The following WNK1 variants were observed in gnomAD, a reference collection of about 807,000 sequenced individuals.
WNK1 encodes the protein WNK lysine deficient protein kinase 1.
Under a neutral mutation model 222.8 loss-of-function variants are expected in WNK1, and 38 were observed. The ratio of observed to expected loss-of-function variants is 0.17; its 90% CI spans 0.13 to 0.22. The LOEUF (loss-of-function observed/expected upper bound fraction) is 0.22, where lower values mean the gene tolerates loss of function less well. Ranked by LOEUF, WNK1 falls within the 10% of genes least tolerant of loss-of-function variation. The pLI, the probability that WNK1 is intolerant of heterozygous loss-of-function variation, is 1.00. For missense variants in WNK1, 2,348 were observed against 2,918.4 expected (o/e 0.80, Z 4.50); for synonymous variants, 1,090 against 1,092.9 (o/e 1.00, Z 0.05).
At chr12:857,627 T>C (rs956695) in intron 5 of WNK1, among the ~76,000 whole-genome samples, 8,485 of 152,324 alleles carry the variant, frequency 0.056, 309 homozygotes, top group Middle Eastern at 0.1. Context: ...CTTTGGCTCT[T>C]TAAAGTCAGC....
chr12:811,035 A>C (rs1347691222), intron 1 of WNK1, among the ~76,000 whole-genome samples: 1 of 152,184 alleles, frequency 6.6e-6, no homozygotes, highest in Non-Finnish European at 1.5e-5. Flanking sequence ...TTTAGTTTAT[A>C]TTGAAGGTAA....
intron 5 of WNK1, among the ~76,000 whole-genome samples, 195 bp downstream of exon 5, chr12:857,444 T>C (rs939109778): frequency 2.2e-4 from 33 of 152,378 alleles, no homozygotes; most frequent in African/African-American, 7.5e-4. Flanking sequence ...TGTAAAAATA[T>C]GGTTTGGTAG....
At position 878,354 on chromosome 12, in the gene WNK1, G is replaced by A; in HGVS notation, c.2366G>A (p.Gly789Glu). The change falls in exon 10 of 28, where the codon GGA (glycine) becomes GAA (glutamate). Residue 789 changes from glycine to glutamate, a missense_variant. Coordinates refer to ENST00000315939, the MANE Select transcript of WNK1 (RefSeq NM_018979.4). ...APQVLPQVSA[G>E]KQLPVSQPVP... ...CAAGTCTTGCCTCAAGTATCAGCTG[G>A]AAAACAGGTAAACTTTTTTTTTTTT... The A allele has an allele frequency of 6.2e-7, 1 of 1,600,702 alleles. No homozygotes were observed. Among genetic ancestry groups the A allele is most frequent in the African/African-American group, 1.4e-5 (1 of 72,104 alleles).
intron 5 of WNK1, among the ~76,000 whole-genome samples, chr12:858,354 T>G (rs929172459): frequency 2.0e-5 from 3 of 152,166 alleles, no homozygotes; most frequent in Non-Finnish European, 4.4e-5. Flanking sequence ...CGCACCTGGC[T>G]AATTTTTGTA....
intron 21 of WNK1, among the ~76,000 whole-genome samples, chr12:890,064 T>C (rs1386641634): frequency 6.6e-6 from 1 of 151,254 alleles, no homozygotes; most frequent in Non-Finnish European, 1.5e-5. Flanking sequence ...GTGATTCTTC[T>C]ACCTCAGCCT....
At chr12:886,328 C>T (rs1377049920) in intron 19 of WNK1, among the ~76,000 whole-genome samples, 2 of 151,816 alleles carry the variant, frequency 1.3e-5, no homozygotes, top group Admixed American at 6.6e-5. Flanking sequence ...GTATAATTAT[C>T]GGGTAAAATA....
intron 4 of WNK1, among the ~76,000 whole-genome samples, chr12:850,966 AC>A: frequency 2.0e-5 from 3 of 152,320 alleles, no homozygotes; most frequent in Admixed American, 2.0e-4. Context: ...TGTTTTGGTT[AC>A]TAGCCTTGTA....
intron 14 of WNK1, 66 bp from the exon 15 acceptor site, chr12:882,877 T>C (rs1953304185): frequency 5.8e-6 from 6 of 1,036,324 alleles, no homozygotes; most frequent in South Asian, 5.1e-5. Context: ...TCTGCATTGC[T>C]TTTCTGAAAT....
intron 1 of WNK1, among the ~76,000 whole-genome samples, chr12:767,172 A>G (rs1037094784): frequency 2.1e-5 from 3 of 143,960 alleles, no homozygotes; most frequent in African/African-American, 7.9e-5. Flanking sequence ...ACAAGAGCTT[A>G]TGTCAAAATA....
chr12:838,309 T>G (rs1057302358), intron 4 of WNK1, among the ~76,000 whole-genome samples: 1 of 152,226 alleles, frequency 6.6e-6, no homozygotes, highest in East Asian at 1.9e-4. Flanking sequence ...TTTAACCATT[T>G]GAAGAACTGC....
Position 881,765 on chromosome 12 carries a change from C to T in WNK1, c.3185C>T (p.Thr1062Ile), listed in dbSNP as rs777677222. Reference sequence around the variant, plus strand: ...GCACAGACCCAAGCTACCCAGCCGACCACTTTGGCTTCCTCTGTAGACAGG... The same window carrying T: ...GCACAGACCCAAGCTACCCAGCCGATCACTTTGGCTTCCTCTGTAGACAGG... The part of the protein sequence containing the change: ...AVAQTQATQP[T>I]TLASSVDSAH... Residue 1062 changes from threonine to isoleucine, a missense_variant, in exon 13 of 28, where the codon ACC becomes ATC. Thr to Ile is a moderately conservative substitution (Grantham distance 89). Transcript: ENST00000315939. 2 of 1,614,212 alleles carry T rather than the reference C, an allele frequency of 1.2e-6. No individual in the cohort carries two copies. The highest frequency in any genetic ancestry group is 1.3e-5 in the African/African-American group (1 of 75,056).
intron 1 of WNK1, among the ~76,000 whole-genome samples, chr12:804,216 T>G (rs1946140052): frequency 6.6e-6 from 1 of 152,214 alleles, no homozygotes. Context: ...TTTTATTGTC[T>G]TAAGTGCCAA....
At chr12:879,516 T>TTTTTTTTTTTTTTTTTTTTTTTTC in intron 10 of WNK1, 57 bp from the exon 11 acceptor site, 1 of 491,352 alleles carries the variant, frequency 2.0e-6, no homozygotes, top group African/African-American at 2.4e-5. Flanking sequence ...AGCCTTGCTT[T>TTTTTTTTTTTTTTTTTTTTTTTTC]TTTTTTTTTT....
intron 1 of WNK1, among the ~76,000 whole-genome samples, chr12:792,159 G>A (rs1013020701): frequency 1.3e-5 from 2 of 152,128 alleles, no homozygotes; most frequent in Admixed American, 6.5e-5. Context: ...GAAGGAAGAA[G>A]CCACATGAAA....
chr12:807,711 CTTTTTTT>C (rs869122990), intron 1 of WNK1, among the ~76,000 whole-genome samples: 55 of 78,792 alleles, frequency 7.0e-4, no homozygotes, highest in African/African-American at 1.4e-3. Flanking sequence ...AGCAATAATT[CTTTTTTT>C]TTTTTTTTTT....
intron 8 of WNK1, among the ~76,000 whole-genome samples, chr12:864,757 GC>G (rs1951499908): frequency 6.6e-6 from 1 of 152,164 alleles, no homozygotes; most frequent in Non-Finnish European, 1.5e-5. Flanking sequence ...AAAGTTGCAA[GC>G]TAATATTCAT....
intron 8 of WNK1, among the ~76,000 whole-genome samples, chr12:865,570 C>A (rs906129687): frequency 1.3e-4 from 20 of 152,134 alleles, no homozygotes; most frequent in East Asian, 1.9e-4. Context: ...AGAGAGAATA[C>A]CTATAATGTC....
chr12:770,364 T>C lies in WNK1; in HGVS notation c.759+16040T>C, dbSNP rs1160294671. On this transcript the variant is annotated intron_variant, in intron 1 of 27. Coordinates refer to ENST00000315939, the MANE Select transcript of WNK1 (RefSeq NM_018979.4). Reference sequence around the variant, plus strand: ...ATATTTATAAGTAAGCATGTGTGTTTTGGATTTTGAAAATTTAGTATGAAA... The same window carrying C: ...ATATTTATAAGTAAGCATGTGTGTTCTGGATTTTGAAAATTTAGTATGAAA... Among the ~76,000 whole-genome samples the C allele has an allele frequency of 2.6e-5, 4 of 152,216 alleles. No individual in the cohort carries two copies. The East Asian group carries it at 7.7e-4, about 29-fold the overall frequency.
intron 9 of WNK1, among the ~76,000 whole-genome samples, chr12:876,130 C>T (rs966069672): frequency 9.9e-5 from 15 of 152,128 alleles, no homozygotes; most frequent in Non-Finnish European, 1.3e-4. Flanking sequence ...TATCAGAGGC[C>T]GGGGCGCGGT....
Sources: allele counts gnomAD v4.1 joint callset (sites outside exome capture counted in the v4.1 genomes callset), GRCh38; gene constraint gnomAD v4.1.1; transcripts MANE v1.5; gene names NCBI Gene and HGNC (gene_info 2026-07-23, HGNC 2026-07-21).